The following ARMC2 variants were observed in gnomAD, a reference collection of about 807,000 sequenced individuals.
ARMC2 encodes the protein armadillo repeat containing 2.
ARMC2 carries 67 observed loss-of-function variants against 90.3 expected under a neutral mutation model. The observed-to-expected ratio is 0.74, with a 90% CI of 0.61 to 0.91. The LOEUF (loss-of-function observed/expected upper bound fraction) is 0.91. Ranked by LOEUF, ARMC2 falls within the 40% of genes least tolerant of loss-of-function variation. The probability of loss-of-function intolerance (pLI) is 0.00; values close to 1 mark genes in which losing one functional copy is unlikely to be tolerated. For missense variants in ARMC2, 920 were observed against 1,030.9 expected, an observed-to-expected ratio of 0.89 and a Z score of 1.47; for synonymous variants, 393 against 393.0, an observed-to-expected ratio of 1.00 and a Z score of 0.00.
the ARMC2 span, chr6:109,001,267 T>C: frequency 6.2e-7 from 1 of 1,605,314 alleles, no homozygotes; most frequent in Non-Finnish European, 8.5e-7. Flanking sequence ...AAAAACAATT[T>C]TTCACTGAAT....
At chr6:109,036,164 G>A in the ARMC2 span, among the ~76,000 whole-genome samples, 2 of 151,974 alleles carry the variant, frequency 1.3e-5, no homozygotes, top group African/African-American at 4.8e-5. Flanking sequence ...GGGGAGGGAG[G>A]GAGTGTTGTT....
the ARMC2 span, among the ~76,000 whole-genome samples, chr6:109,025,714 C>T: frequency 6.6e-6 from 1 of 151,928 alleles, no homozygotes; most frequent in Non-Finnish European, 1.5e-5. Context: ...AAACAGCATA[C>T]TCAGTATAGC....
chr6:109,037,378 A>G, the ARMC2 span, among the ~76,000 whole-genome samples: 2 of 152,246 alleles, frequency 1.3e-5, no homozygotes, highest in Non-Finnish European at 2.9e-5. Context: ...CGTAGAAACC[A>G]TAACACTCCA....
intron 12 of ARMC2, among the ~76,000 whole-genome samples, chr6:108,944,004 A>C (rs938762165): frequency 2.0e-5 from 3 of 152,232 alleles, no homozygotes; most frequent in African/African-American, 7.2e-5. Context: ...TATTTTTAAG[A>C]GACTTCTCAA....
intron 4 of ARMC2, among the ~76,000 whole-genome samples, chr6:108,871,964 G>A (rs1256581256): frequency 6.6e-6 from 1 of 152,200 alleles, no homozygotes; most frequent in African/African-American, 2.4e-5. Context: ...TATTTTAAAA[G>A]CACATGTCAT....
Position 108,962,035 on chromosome 6 carries a change from G to T in ARMC2, c.2060G>T (p.Ser687Ile). The stretch of plus-strand genomic sequence containing the variant: ...CCAGTGCTCTTAAAGCTTCTTGTCA[G>T]TAACAACATGGATGGAATCCTGGAG... ...IAELLLKLLV[S>I]NNMDGILEAV... Residue 687 changes from serine (S) to isoleucine (I), a missense_variant, in exon 15 of 18, where the codon AGT (serine) becomes ATT (isoleucine). Physicochemically the swap from Ser to Ile is moderately radical, Grantham distance 142 (BLOSUM62 -2). Transcript: ENST00000392644. 1 of 1,612,012 alleles carries T rather than the reference G, an allele frequency of 6.2e-7. No homozygotes were observed. The highest frequency in any genetic ancestry group is 8.5e-7 in the Non-Finnish European group (1 of 1,179,332).
chr6:109,000,902 T>C, the ARMC2 span, among the ~76,000 whole-genome samples: 1 of 152,164 alleles, frequency 6.6e-6, no homozygotes, highest in Non-Finnish European at 1.5e-5. Context: ...ATTTGAACTT[T>C]AGACATTTTA....
intron 12 of ARMC2, among the ~76,000 whole-genome samples, chr6:108,951,632 G>A (rs927270017): frequency 6.6e-6 from 1 of 152,226 alleles, no homozygotes; most frequent in African/African-American, 2.4e-5. Flanking sequence ...GGTATTGGCA[G>A]AGAAGGCCTA....
chr6:109,052,845 G>A, the ARMC2 span, among the ~76,000 whole-genome samples: 1 of 152,136 alleles, frequency 6.6e-6, no homozygotes, highest in African/African-American at 2.4e-5. Flanking sequence ...AATATTTATT[G>A]TTGACTTAAT....
intron 17 of ARMC2, among the ~76,000 whole-genome samples, chr6:108,969,880 A>T (rs1487792964): frequency 6.6e-6 from 1 of 152,112 alleles, no homozygotes; most frequent in Non-Finnish European, 1.5e-5. Context: ...ATCTCTACTA[A>T]AAGTGAAAAA....
chr6:108,854,214 T>C lies in ARMC2; in HGVS notation c.-43-11T>C. 2.9e-6 allele frequency: 4 copies of C among 1,357,030 alleles called. No homozygotes were observed. The East Asian group carries it at 9.9e-5, about 34-fold the overall frequency. 84.1% of individuals were successfully genotyped at this position (1,357,030 alleles called of 1,614,324 possible). On this transcript the variant is annotated splice_polypyrimidine_tract_variant and intron_variant, in intron 1 of 17. Transcript: ENST00000392644. ...AAAAATAATGATGGTTTTTGTACCA[T>C]GTATTTGCAGGGTGTGGTGTCTATC...
chr6:108,883,478 G>A (rs916479136), intron 5 of ARMC2, among the ~76,000 whole-genome samples: 1 of 152,152 alleles, frequency 6.6e-6, no homozygotes, highest in Non-Finnish European at 1.5e-5. Context: ...TTGACAATGT[G>A]GTAGTAATAT....
intron 17 of ARMC2, among the ~76,000 whole-genome samples, chr6:108,966,769 T>TA (rs563010525): frequency 8.0e-4 from 121 of 152,044 alleles, no homozygotes; most frequent in South Asian, 3.5e-3. Context: ...GCTGTGGAGT[T>TA]AAAACCCAAA....
intron 3 of ARMC2, among the ~76,000 whole-genome samples, 176 bp from the exon 4 acceptor site, chr6:108,868,648 G>A (rs1776075806): frequency 1.3e-5 from 2 of 152,188 alleles, no homozygotes; most frequent in Non-Finnish European, 2.9e-5. Context: ...AGTGCTTTAT[G>A]TATACATATA....
chr6:108,995,459 G>C, the ARMC2 span, among the ~76,000 whole-genome samples: 1 of 152,182 alleles, frequency 6.6e-6, no homozygotes, highest in Non-Finnish European at 1.5e-5. Flanking sequence ...CACTTGCTGG[G>C]ATGACTAGAG....
the ARMC2 span, among the ~76,000 whole-genome samples, chr6:109,039,033 GAAA>G: frequency 4.0e-5 from 5 of 125,388 alleles, no homozygotes; most frequent in Non-Finnish European, 8.5e-5. Context: ...AAAAGAGAAA[GAAA>G]GAAGAAGGAG....
chr6:108,930,790 T>C (rs1775489377), intron 11 of ARMC2, among the ~76,000 whole-genome samples: 1 of 151,816 alleles, frequency 6.6e-6, no homozygotes, highest in Admixed American at 6.6e-5. Flanking sequence ...AGAGACGGGG[T>C]TTCACTGTGT....
chr6:108,975,328 C>G (rs1460766526), downstream of ARMC2, among the ~76,000 whole-genome samples: 2 of 152,190 alleles, frequency 1.3e-5, no homozygotes, highest in East Asian at 3.8e-4. Context: ...CTGCAAAGGA[C>G]ATGAACTCAT....
At chr6:108,865,934 A>T (rs371668361) in intron 3 of ARMC2, among the ~76,000 whole-genome samples, 2 of 151,008 alleles carry the variant, frequency 1.3e-5, no homozygotes, top group East Asian at 1.9e-4. Context: ...GGAGAATTGC[A>T]TGAGACCAGG....
Sources: gnomAD v4.1 joint callset for allele counts (sites outside exome capture counted in the v4.1 genomes callset) on GRCh38, gnomAD v4.1.1 for gene constraint, MANE v1.5 for transcripts, NCBI Gene and HGNC (gene_info 2026-07-23, HGNC 2026-07-21) for gene names.